SRGAP2C: variants seen among roughly 807,000 people sequenced by gnomAD.
The protein encoded by SRGAP2C is SLIT-ROBO Rho GTPase-activating protein 2C.
Under a neutral mutation model 25.1 loss-of-function variants are expected in SRGAP2C, and 15 were observed. The observed-to-expected ratio is 0.60, with a 90% CI of 0.40 to 0.92. The LOEUF (loss-of-function observed/expected upper bound fraction) is 0.92. SRGAP2C is among the 40% of genes least tolerant of loss of function. The probability of loss-of-function intolerance (pLI) is 0.00; values close to 1 mark genes in which losing one functional copy is unlikely to be tolerated. For synonymous variants in SRGAP2C, 44 were observed against 96.6 expected, an observed-to-expected ratio of 0.46 and a Z score of 3.19; for missense variants, 144 against 264.4, an observed-to-expected ratio of 0.54 and a Z score of 3.16.
At chr1:121,357,677 C>T (rs1450383175) in intron 4 of SRGAP2C, among the ~76,000 whole-genome samples, 6 of 89,916 alleles carry the variant, frequency 6.7e-5, no homozygotes, top group Non-Finnish European at 4.3e-5. Context: ...CCACAGAGCC[C>T]ATTGGAGGAA....
chr1:121,207,256 A>G (rs1341934225), intron 2 of SRGAP2C, among the ~76,000 whole-genome samples: 1 of 152,150 alleles, frequency 6.6e-6, no homozygotes, highest in Non-Finnish European at 1.5e-5. Flanking sequence ...TGTATGCAGG[A>G]ATTAATAGCA....
At chr1:121,263,430 CAAA>C (rs1182973540) in intron 2 of SRGAP2C, among the ~76,000 whole-genome samples, 1 of 87,996 alleles carries the variant, frequency 1.1e-5, no homozygotes. Flanking sequence ...GACTCCGTCT[CAAA>C]AAAAAAAAAA....
chr1:121,329,889 C>T (rs1658397025), intron 4 of SRGAP2C, among the ~76,000 whole-genome samples: 1 of 152,054 alleles, frequency 6.6e-6, no homozygotes, highest in Non-Finnish European at 1.5e-5. Context: ...TTTGGTGCTC[C>T]TGACATCTCC....
intron 3 of SRGAP2C, among the ~76,000 whole-genome samples, chr1:121,291,588 AAG>A (rs1222563362): frequency 2.0e-5 from 3 of 148,734 alleles, no homozygotes; most frequent in Admixed American, 1.3e-4. Flanking sequence ...AAGCTACCTG[AAG>A]AGAGAGAGAA....
chr1:121,303,223 C>T (rs1457093018), intron 3 of SRGAP2C, among the ~76,000 whole-genome samples: 1 of 127,416 alleles, frequency 7.8e-6, no homozygotes, highest in African/African-American at 3.0e-5. Flanking sequence ...CTACATTTAT[C>T]AGTTGCAATT....
At chr1:121,303,421 A>AT (rs1197091171) in intron 3 of SRGAP2C, among the ~76,000 whole-genome samples, 1 of 151,586 alleles carries the variant, frequency 6.6e-6, no homozygotes, top group Non-Finnish European at 1.5e-5. Context: ...TGTCTTATTG[A>AT]TATGTCCCCA....
At chr1:121,254,811 CAGA>C (rs1215908121) in intron 2 of SRGAP2C, among the ~76,000 whole-genome samples, 2 of 151,436 alleles carry the variant, frequency 1.3e-5, no homozygotes, top group African/African-American at 4.8e-5. Context: ...GAGGAATGAG[CAGA>C]AGGAGTGGTG....
chr1:121,268,311 AGGCCCTGAGGTG>A (rs1411845443), intron 2 of SRGAP2C, among the ~76,000 whole-genome samples: 6 of 150,642 alleles, frequency 4.0e-5, no homozygotes, highest in African/African-American at 1.5e-4. Context: ...GCATATGCAA[AGGCCCTGAGGTG>A]GGTGTTTGCT....
At position 121,293,531 on chromosome 1, in the gene SRGAP2C, T is replaced by G. The variant is rs1468271782; in HGVS notation, c.260+8536T>G. Among the ~76,000 whole-genome samples, 72 of 151,262 alleles carry G rather than the reference T, an allele frequency of 4.8e-4. 1 individual carries two copies. Among genetic ancestry groups the G allele is most frequent in the Non-Finnish European group, 8.8e-5 (6 of 67,864 alleles). ...TGGGCTGAAACTGAGGTCATACCCT[T>G]GGAAATAGACAAGATGGGGCCAAGT... On this transcript the variant is annotated intron_variant, in intron 3 of 9. Transcript: ENST00000367123.
At chr1:121,375,318 CTTTTTTTTTTTT>C (rs1231177207) in intron 7 of SRGAP2C, among the ~76,000 whole-genome samples, 4 of 19,796 alleles carry the variant, frequency 2.0e-4, no homozygotes, top group Non-Finnish European at 3.8e-4. Flanking sequence ...TACTTTCTTC[CTTTTTTTTTTTT>C]TTTTTTTTTT....
At chr1:121,294,328 TA>T (rs1337468376) in intron 3 of SRGAP2C, among the ~76,000 whole-genome samples, 2 of 141,722 alleles carry the variant, frequency 1.4e-5, no homozygotes, top group Non-Finnish European at 3.1e-5. Flanking sequence ...TTAAGACAGG[TA>T]ACATGGCTTT....
intron 2 of SRGAP2C, among the ~76,000 whole-genome samples, chr1:121,250,267 G>T (rs1407249512): frequency 2.1e-5 from 2 of 95,536 alleles, no homozygotes; most frequent in African/African-American, 8.7e-5. Flanking sequence ...CCCCTAAATA[G>T]AAAAACGGGC....
chr1:121,230,755 A>T (rs1183386169), intron 2 of SRGAP2C, among the ~76,000 whole-genome samples: 1 of 151,816 alleles, frequency 6.6e-6, no homozygotes, highest in Non-Finnish European at 1.5e-5. Context: ...TTGCAGCACT[A>T]TTCACAATAA....
At chr1:121,282,607 T>G (rs1657272271) in intron 2 of SRGAP2C, among the ~76,000 whole-genome samples, 1 of 151,912 alleles carries the variant, frequency 6.6e-6, no homozygotes. Flanking sequence ...CAGGCTGGAG[T>G]GCAGTGGTGC....
At position 121,280,335 on chromosome 1, in the gene SRGAP2C, C is replaced by A. The variant is rs1291757285; in HGVS notation, c.68-4468C>A. On this transcript the variant is annotated intron_variant, in intron 2 of 9. Transcript: ENST00000367123. ...TTTTCTTAGCCCTGTTATGTGATTTCTTTCCGCTATTGATGATTTTTAAAT... is the reference window on the plus strand; with the variant it reads ...TTTTCTTAGCCCTGTTATGTGATTTATTTCCGCTATTGATGATTTTTAAAT... Among the ~76,000 whole-genome samples the A allele has an allele frequency of 7.7e-4, 117 of 151,912 alleles. 1 individual carries two copies. Among genetic ancestry groups the A allele is most frequent in the African/African-American group, 2.7e-3 (113 of 41,496 alleles).
intron 4 of SRGAP2C, among the ~76,000 whole-genome samples, chr1:121,332,636 A>AT: frequency 6.8e-6 from 1 of 147,464 alleles, no homozygotes; most frequent in Non-Finnish European, 1.5e-5. Flanking sequence ...TTTTGGCACT[A>AT]AGGAAATGAA....
chr1:121,314,524 T>A (rs1658049584), intron 3 of SRGAP2C, among the ~76,000 whole-genome samples: 1 of 152,158 alleles, frequency 6.6e-6, no homozygotes, highest in Admixed American at 6.5e-5. Context: ...GTTTCCAGTT[T>A]TTCTGTTCTG....
intron 4 of SRGAP2C, among the ~76,000 whole-genome samples, chr1:121,338,950 C>T (rs1249213426): frequency 8.8e-5 from 13 of 148,012 alleles, no homozygotes; most frequent in East Asian, 2.0e-4. Context: ...AAAGTAGTAA[C>T]GTGTTTTTTT....
At chr1:121,329,899 C>T (rs1658397109) in intron 4 of SRGAP2C, among the ~76,000 whole-genome samples, 1 of 151,958 alleles carries the variant, frequency 6.6e-6, no homozygotes, top group Non-Finnish European at 1.5e-5. Context: ...CTGACATCTC[C>T]TTTCATGTAA....
Sources: gnomAD v4.1 joint callset for allele counts (sites outside exome capture counted in the v4.1 genomes callset) on GRCh38, gnomAD v4.1.1 for gene constraint, MANE v1.5 for transcripts, NCBI Gene and HGNC (gene_info 2026-07-23, HGNC 2026-07-21) for gene names.